Variants in RAD51D observed in about 807,000 individuals in gnomAD.
The protein encoded by RAD51D is RAD51 paralog D, also known as DNA repair protein RAD51 homolog 4.
A neutral mutation model predicts 44.1 loss-of-function variants in RAD51D; 38 were observed. That is an observed-to-expected ratio of 0.86 (90% CI 0.67 to 1.13). RAD51D has a LOEUF of 1.13. Ranked by LOEUF, RAD51D falls within the 50% of genes most tolerant of loss-of-function variation. The probability of loss-of-function intolerance (pLI) is 0.00; values close to 1 mark genes in which losing one functional copy is unlikely to be tolerated. For missense variants in RAD51D, 390 were observed against 414.0 expected (o/e 0.94, Z 0.50); for synonymous variants, 141 against 166.6 (o/e 0.85, Z 1.18).
Position 35,096,237 on chromosome 17 carries a change from G to A in RAD51D, c.*4716C>T, listed in dbSNP as rs2091485163. 6.6e-6 allele frequency: 1 copy of A among 152,096 alleles called. No individual in the cohort carries two copies. The highest frequency in any genetic ancestry group is 1.5e-5 in the Non-Finnish European group (1 of 68,008). 9.4% of individuals were successfully genotyped at this position (152,096 alleles called of 1,614,324 possible). On this transcript the variant is annotated 3_prime_UTR_variant, in exon 10 of 10. Coordinates refer to ENST00000345365, the MANE Select transcript of RAD51D (RefSeq NM_002878.4). ...TTTTATAGAGATAGGGTCTTGCTAT[G>A]TTGCCCAGGCTGGTCTGGAACTCCT...
chr17:35,102,036 A>G (rs1450334863), intron 8 of RAD51D, among the ~76,000 whole-genome samples: 2 of 152,224 alleles, frequency 1.3e-5, no homozygotes, highest in African/African-American at 4.8e-5. Flanking sequence ...TAAAGTGGTT[A>G]AGATAGTAAA....
intron 6 of RAD51D, among the ~76,000 whole-genome samples, chr17:35,105,626 A>G (rs1183095728): frequency 6.6e-6 from 1 of 152,174 alleles, no homozygotes; most frequent in Non-Finnish European, 1.5e-5. Flanking sequence ...CAGTGCACCA[A>G]ATCCTGTCTA....
chr17:35,108,983 C>G (rs1207686007), intron 3 of RAD51D, among the ~76,000 whole-genome samples: 6 of 151,728 alleles, frequency 4.0e-5, no homozygotes, highest in African/African-American at 1.5e-4. Flanking sequence ...TCTCCTGTCT[C>G]AGCCTCCCGA....
At chr17:35,111,354 CAA>C (rs60278898) in intron 3 of RAD51D, among the ~76,000 whole-genome samples, 110 of 127,344 alleles carry the variant, frequency 8.6e-4, no homozygotes, top group Middle Eastern at 4.0e-3. Context: ...AACTCCATCT[CAA>C]AAAAAAAAAA....
intron 1 of RAD51D, 31 bp downstream of exon 1, chr17:35,119,501 G>A (rs375388885): frequency 6.2e-7 from 1 of 1,607,656 alleles, no homozygotes; most frequent in South Asian, 1.1e-5. Context: ...CGAGGCCCGC[G>A]CGGCTCCCTG....
rs1555570297 is a variant in RAD51D, at chr17:35,118,610, C to A, written c.154G>T (p.Ala52Ser). The change falls in exon 3 of 10, where the codon GCC becomes TCC. Residue 52 changes from alanine (A) to serine (S), a missense_variant. By Grantham distance (99) the Ala-to-Ser change is moderately conservative. Coordinates refer to ENST00000345365, the MANE Select transcript of RAD51D (RefSeq NM_002878.4). ...TGAGCCAGCAGCACCCGCCTCAGGG[C>A]AACCAGGGCCTGCCAAAGGGCCCCA... The part of the protein sequence containing the change: ...KCGLSYKALV[A>S]LRRVLLAQFS... 1 of 1,614,142 alleles carries A rather than the reference C, an allele frequency of 6.2e-7. No individual in the cohort carries two copies. Among genetic ancestry groups the A allele is most frequent in the Non-Finnish European group, 8.5e-7 (1 of 1,179,998 alleles).
intron 6 of RAD51D, among the ~76,000 whole-genome samples, chr17:35,105,400 C>A (rs2091588044): frequency 6.6e-6 from 1 of 152,170 alleles, no homozygotes. Context: ...AAGCAATCCT[C>A]CCGTCTCAGC....
chr17:35,114,687 G>A (rs1439427352), intron 3 of RAD51D, among the ~76,000 whole-genome samples: 3 of 152,074 alleles, frequency 2.0e-5, no homozygotes, highest in African/African-American at 7.2e-5. Flanking sequence ...GCAAGACCCT[G>A]TCTCTAAAAA....
intron 3 of RAD51D, among the ~76,000 whole-genome samples, chr17:35,107,737 C>CTTTTTTT (rs34531142): frequency 1.1e-5 from 1 of 94,006 alleles, no homozygotes; most frequent in Non-Finnish European, 2.0e-5. Context: ...TGTGGGTTTC[C>CTTTTTTT]TTTTTTTTTT....
chr17:35,104,812 T>C (rs528477457), intron 6 of RAD51D: 6 of 152,236 alleles, frequency 3.9e-5, no homozygotes, highest in South Asian at 2.1e-4. Flanking sequence ...CTGATTCTGG[T>C]TCTTTTTCTT....
chr17:35,100,105 A>G lies in RAD51D; in HGVS notation c.*848T>C. The G allele has an allele frequency of 1.9e-6, 1 of 533,156 alleles. No individual in the cohort carries two copies. Among genetic ancestry groups the G allele is most frequent in the South Asian group, 1.5e-5 (1 of 65,176 alleles). 33.0% of individuals were successfully genotyped at this position (533,156 alleles called of 1,614,324 possible). ...CTGTTTATGGGCAAGGCCATGGTTCAGCACCTCTGGTTATGCTGTACTGTG... is the reference window on the plus strand; with the variant it reads ...CTGTTTATGGGCAAGGCCATGGTTCGGCACCTCTGGTTATGCTGTACTGTG... On this transcript the variant is annotated 3_prime_UTR_variant, in exon 10 of 10. Coordinates refer to ENST00000345365, the MANE Select transcript of RAD51D (RefSeq NM_002878.4).
rs1567724106 is a variant in RAD51D, at chr17:35,100,336, A to C, written c.*617T>G. 1 of 534,204 alleles carries C rather than the reference A, an allele frequency of 1.9e-6. No homozygotes were observed. The highest frequency in any genetic ancestry group is 3.6e-6 in the Non-Finnish European group (1 of 276,370). 33.1% of individuals were successfully genotyped at this position (534,204 alleles called of 1,614,324 possible). A position where few individuals can be genotyped will look rare whatever the true frequency, so the allele number is the denominator to read the frequency against. On this transcript the variant is annotated 3_prime_UTR_variant, in exon 10 of 10. Coordinates refer to ENST00000345365, the MANE Select transcript of RAD51D (RefSeq NM_002878.4). ...ACTGTTCTTTGGGCCTCACTGGGGG[A>C]AACTGAAAAACAGCCTTCTAAGGGG... is the stretch of plus-strand genomic sequence containing the variant.
chr17:35,119,374 C>A, intron 1 of RAD51D, 158 bp downstream of exon 1: 1 of 980,468 alleles, frequency 1.0e-6, no homozygotes, highest in East Asian at 2.4e-5. Flanking sequence ...GAGCTTGGCT[C>A]CCCACGCCCA....
intron 3 of RAD51D, among the ~76,000 whole-genome samples, chr17:35,112,696 T>C (rs906208734): frequency 6.6e-6 from 1 of 152,186 alleles, no homozygotes; most frequent in Non-Finnish European, 1.5e-5. Context: ...GTAGTGTTTT[T>C]TATTTTAGTT....
At chr17:35,111,033 G>A (rs1298829954) in intron 3 of RAD51D, among the ~76,000 whole-genome samples, 2 of 151,926 alleles carry the variant, frequency 1.3e-5, no homozygotes, top group Admixed American at 6.6e-5. Context: ...CCCGGGAGGC[G>A]GGGGTTGCAG....
Position 35,099,195 on chromosome 17 carries a change from T to G in RAD51D, c.*1758A>C, listed in dbSNP as rs140902026. On this transcript the variant is annotated 3_prime_UTR_variant, in exon 10 of 10. Coordinates refer to ENST00000345365, the MANE Select transcript of RAD51D (RefSeq NM_002878.4). ...TGCAGTCCTAGGGTCCTCAGTTAGG[T>G]ATTAAGTACCTGAACTCACTACATA... is the stretch of plus-strand genomic sequence containing the variant. 1 of 154,978 alleles carries G rather than the reference T, an allele frequency of 6.5e-6. No individual in the cohort carries two copies. The highest frequency in any genetic ancestry group is 1.4e-5 in the Non-Finnish European group (1 of 69,800). 9.6% of individuals were successfully genotyped at this position (154,978 alleles called of 1,614,324 possible). A position where few individuals can be genotyped will look rare whatever the true frequency, so the allele number is the denominator to read the frequency against.
intron 4 of RAD51D, 70 bp from the exon 5 acceptor site, chr17:35,107,192 T>C (rs2142434939): frequency 1.9e-6 from 3 of 1,584,694 alleles, no homozygotes; most frequent in African/African-American, 1.3e-5. Context: ...CCACCAAACC[T>C]TGCCCAGATT....
At position 35,103,602 on chromosome 17, in the gene RAD51D, G is replaced by C. The variant is rs1157834286; in HGVS notation, c.577-58C>G. 2 of 1,372,882 alleles carry C rather than the reference G, an allele frequency of 1.5e-6. No homozygotes were observed. Among genetic ancestry groups the C allele is most frequent in the Middle Eastern group, 1.8e-4 (1 of 5,548 alleles). 85.0% of individuals were successfully genotyped at this position (1,372,882 alleles called of 1,614,324 possible). A position where few individuals can be genotyped will look rare whatever the true frequency, so the allele number is the denominator to read the frequency against. On this transcript the variant is annotated intron_variant, in intron 6 of 9. Transcript: ENST00000345365. This position sits in a 1 kb window ranked among gnomAD's most constrained non-coding sequence, Gnocchi z 4.1. ...TGTCAGCCTCTAGGACACATTACAGGACAAGCTTGCTTTTCTATCTAAAAC... is the reference window on the plus strand; with the variant it reads ...TGTCAGCCTCTAGGACACATTACAGCACAAGCTTGCTTTTCTATCTAAAAC...
chr17:35,116,674 T>G (rs530864775), intron 3 of RAD51D, among the ~76,000 whole-genome samples: 5 of 152,154 alleles, frequency 3.3e-5, no homozygotes, highest in African/African-American at 1.2e-4. Context: ...TTTTGTACTT[T>G]TAGTAGAGAC....
Sources: allele counts gnomAD v4.1 joint callset (sites outside exome capture counted in the v4.1 genomes callset), GRCh38; gene constraint gnomAD v4.1.1; non-coding constraint Gnocchi (gnomAD v3.1); transcripts MANE v1.5; gene names NCBI Gene and HGNC (gene_info 2026-07-23, HGNC 2026-07-21).